ATOSA: variants seen among roughly 807,000 people sequenced by gnomAD.
The protein encoded by ATOSA is atos homolog protein A.
chr15:52,616,072 C>T, the ATOSA span, among the ~76,000 whole-genome samples: 4 of 152,198 alleles, frequency 2.6e-5, no homozygotes, highest in Non-Finnish European at 4.4e-5. Context: ...ATGGATCATA[C>T]ACTTTAAACA....
chr15:52,696,024 T>C, the ATOSA span, among the ~76,000 whole-genome samples: 1 of 152,134 alleles, frequency 6.6e-6, no homozygotes, highest in Non-Finnish European at 1.5e-5. Context: ...TTAGGGACTA[T>C]CATAAGGACT....
chr15:52,684,810 C>T, the ATOSA span, among the ~76,000 whole-genome samples: 1 of 152,110 alleles, frequency 6.6e-6, no homozygotes, highest in Non-Finnish European at 1.5e-5. Context: ...GATCCTAACT[C>T]AAGCAACCCT....
At chr15:52,650,268 G>A in the ATOSA span, among the ~76,000 whole-genome samples, 1 of 152,072 alleles carries the variant, frequency 6.6e-6, no homozygotes. Context: ...TCTTCTTGAA[G>A]TGAGTGCTTT....
the ATOSA span, among the ~76,000 whole-genome samples, chr15:52,700,975 C>A: frequency 1.3e-5 from 2 of 152,072 alleles, no homozygotes; most frequent in Non-Finnish European, 2.9e-5. Flanking sequence ...TTTTCTGGAG[C>A]TAGACAGGTT....
chr15:52,601,184 T>C, the ATOSA span: 9 of 1,468,824 alleles, frequency 6.1e-6, no homozygotes, highest in Admixed American at 2.2e-4. Context: ...AAAACGATCA[T>C]TTGTGATATT....
chr15:52,682,480 T>C, the ATOSA span, among the ~76,000 whole-genome samples: 1 of 152,150 alleles, frequency 6.6e-6, no homozygotes, highest in Admixed American at 6.5e-5. Flanking sequence ...AGAAAAAGAA[T>C]GGAGGTTCTG....
chr15:52,630,829 T>C, the ATOSA span, among the ~76,000 whole-genome samples: 2 of 152,344 alleles, frequency 1.3e-5, no homozygotes, highest in East Asian at 3.9e-4. Context: ...TATAATGGGA[T>C]ACAGGAGTAA....
At chr15:52,685,657 C>CAGCA in the ATOSA span, among the ~76,000 whole-genome samples, 2 of 152,112 alleles carry the variant, frequency 1.3e-5, no homozygotes, top group Non-Finnish European at 2.9e-5. Flanking sequence ...TGGTCTTGAA[C>CAGCA]TGCTGGGCTC....
chr15:52,670,916 T>C, the ATOSA span, among the ~76,000 whole-genome samples: 1 of 152,240 alleles, frequency 6.6e-6, no homozygotes, highest in Non-Finnish European at 1.5e-5. Flanking sequence ...AATCCAAGAA[T>C]GGGTCCCAAA....
the ATOSA span, among the ~76,000 whole-genome samples, chr15:52,700,573 T>C: frequency 2.6e-5 from 4 of 152,372 alleles, no homozygotes; most frequent in Non-Finnish European, 4.4e-5. Context: ...AGGCTTTTTA[T>C]ACCTAGAAGC....
the ATOSA span, among the ~76,000 whole-genome samples, chr15:52,643,307 A>C: frequency 6.6e-6 from 1 of 152,148 alleles, no homozygotes; most frequent in African/African-American, 2.4e-5. Flanking sequence ...TTTTAAAAAA[A>C]CTGACCCAGC....
At chr15:52,617,478 A>G in the ATOSA span, among the ~76,000 whole-genome samples, 1 of 152,184 alleles carries the variant, frequency 6.6e-6, no homozygotes, top group East Asian at 1.9e-4. Flanking sequence ...AGCACACTAA[A>G]ACATCGGGGA....
the ATOSA span, among the ~76,000 whole-genome samples, chr15:52,694,675 A>G: frequency 6.6e-6 from 1 of 152,020 alleles, no homozygotes; most frequent in African/African-American, 2.4e-5. Flanking sequence ...TTAAAAAAAA[A>G]TACTCATGAA....
the ATOSA span, among the ~76,000 whole-genome samples, chr15:52,643,934 A>AC: frequency 2.0e-5 from 3 of 152,022 alleles, no homozygotes; most frequent in Admixed American, 6.6e-5. Flanking sequence ...ACAAAAAAAA[A>AC]CAAAAAAACC....
At chr15:52,654,263 G>A in the ATOSA span, among the ~76,000 whole-genome samples, 1 of 152,090 alleles carries the variant, frequency 6.6e-6, no homozygotes, top group Non-Finnish European at 1.5e-5. Flanking sequence ...AAATAGATGT[G>A]CCACCTTAAA....
the ATOSA span, chr15:52,629,532 C>T: frequency 8.3e-5 from 18 of 217,876 alleles, no homozygotes; most frequent in African/African-American, 2.4e-4. Flanking sequence ...GGCCAGGCAT[C>T]GTGGCTCATG....
chr15:52,693,876 T>TACATA, the ATOSA span, among the ~76,000 whole-genome samples: 1 of 152,192 alleles, frequency 6.6e-6, no homozygotes, highest in Non-Finnish European at 1.5e-5. Flanking sequence ...GCCTTGCCTC[T>TACATA]CATACTTATG....
chr15:52,648,018 T>C, the ATOSA span, among the ~76,000 whole-genome samples: 2 of 152,150 alleles, frequency 1.3e-5, no homozygotes, highest in African/African-American at 2.4e-5. Context: ...TAGAAGTGTA[T>C]CTTAGGGAAA....
At chr15:52,671,199 AT>A in the ATOSA span, among the ~76,000 whole-genome samples, 1 of 152,198 alleles carries the variant, frequency 6.6e-6, no homozygotes, top group Non-Finnish European at 1.5e-5. Context: ...TAGTGTTTTA[AT>A]TCAATAAGAT....
Sources: allele counts gnomAD v4.1 joint callset (sites outside exome capture counted in the v4.1 genomes callset), GRCh38; gene constraint gnomAD v4.1.1; transcripts MANE v1.5; gene names NCBI Gene and HGNC (gene_info 2026-07-23, HGNC 2026-07-21).